The following PGM5 variants were observed in gnomAD, a reference collection of about 807,000 sequenced individuals.
The protein encoded by PGM5 is phosphoglucomutase 5.
In PGM5, 23 loss-of-function variants were observed where a neutral mutation model predicts 59.2. The ratio of observed to expected loss-of-function variants is 0.39; its 90% CI spans 0.28 to 0.55. PGM5 has a LOEUF of 0.55. Among genes scored for constraint, PGM5 ranks in the 20% least tolerant of loss-of-function variants. The probability of loss-of-function intolerance (pLI) is 0.66; values close to 1 mark genes in which losing one functional copy is unlikely to be tolerated. For synonymous variants in PGM5, 214 were observed against 286.0 expected (o/e 0.75, Z 2.54); for missense variants, 574 against 748.3 (o/e 0.77, Z 2.72).
At position 68,522,676 on chromosome 9, in the gene PGM5, G is replaced by T. The variant is rs7871634; in HGVS notation, c.1615-6891G>T. Among the ~76,000 whole-genome samples the T allele has an allele frequency of 6.5e-3, 997 of 152,214 alleles. 14 individuals are homozygous for T. The highest frequency in any genetic ancestry group is 0.023 in the African/African-American group (937 of 41,520). On this transcript the variant is annotated intron_variant, in intron 10 of 10. Coordinates refer to ENST00000396396, the MANE Select transcript of PGM5 (RefSeq NM_021965.4). ...TTATTTTAATTTGCTTAAAATTTTT[G>T]ATTTTAATACGCAAAGAGACCAAAG...
In PGM5 at chr9:68,477,206, G is replaced by A. The variant is rs149602506; in HGVS notation, c.1160-2212G>A. Among the ~76,000 whole-genome samples, 49 of 152,250 alleles carry A rather than the reference G, an allele frequency of 3.2e-4. No individual in the cohort carries two copies. In the East Asian group the frequency reaches 8.5e-3, roughly 26 times the overall value. ...TGTTAACCCAGAGGCAACCACAACT[G>A]GACATCCAACAGTGCCATTAGCAGA... is the stretch of plus-strand genomic sequence containing the variant. On this transcript the variant is annotated intron_variant, in intron 7 of 10. Transcript: ENST00000396396.
chr9:68,495,334 T>C (rs1017070005), intron 9 of PGM5, among the ~76,000 whole-genome samples: 5 of 152,206 alleles, frequency 3.3e-5, no homozygotes, highest in Admixed American at 2.0e-4. Flanking sequence ...TTTATAGTCA[T>C]GCAAGTCATG....
intron 6 of PGM5, among the ~76,000 whole-genome samples, chr9:68,459,540 T>A (rs985160967): frequency 6.6e-6 from 1 of 152,194 alleles, no homozygotes; most frequent in African/African-American, 2.4e-5. Context: ...TGGCAGGCAG[T>A]TCATTTTTGT....
rs1259325393 is a variant in PGM5 at position 68,437,521 on chromosome 9, G to A, written c.1044-27572G>A. Among the ~76,000 whole-genome samples, 2 of 152,112 alleles carry A rather than the reference G, an allele frequency of 1.3e-5. No individual in the cohort carries two copies. Among genetic ancestry groups the A allele is most frequent in the Middle Eastern group, 3.4e-3 (1 of 294 alleles). ...ACAACAAATGGTTTTTCTACAGATAGGGGATCTCTAGGCATCTCAAGGATA... is the reference window on the plus strand; with the variant it reads ...ACAACAAATGGTTTTTCTACAGATAAGGGATCTCTAGGCATCTCAAGGATA... On this transcript the variant is annotated intron_variant, in intron 6 of 10. Coordinates refer to ENST00000396396, the MANE Select transcript of PGM5 (RefSeq NM_021965.4). The surrounding 1 kb of genome is among the most constrained non-coding windows in gnomAD (Gnocchi z 4.1).
At position 68,357,338 on chromosome 9, in the gene PGM5, T is replaced by C. The variant is rs1834474112; in HGVS notation, c.211T>C (p.Phe71Leu). 6.4e-7 allele frequency: 1 copy of C among 1,556,992 alleles called. No individual in the cohort carries two copies. Among genetic ancestry groups the C allele is most frequent in the Non-Finnish European group, 8.7e-7 (1 of 1,153,618 alleles). Residue 71 changes from phenylalanine (F) to leucine (L), a missense_variant, in exon 1 of 11, where the codon TTT (phenylalanine) becomes CTT (leucine). By Grantham distance (22) the Phe-to-Leu change is conservative. This residue lies in a region of PGM5 where 61 missense variants were observed against 133.3 expected (regional missense o/e 0.46). Transcript: ENST00000396396. ...TMVVGSDGRY[F>L]SRTAIEIVVQ... ...GGTGGTGGGCAGCGACGGCAGGTAC[T>C]TTAGCAGGACGGCCATCGAGATCGT... is the stretch of plus-strand genomic sequence containing the variant.
intron 10 of PGM5, among the ~76,000 whole-genome samples, chr9:68,515,730 A>G (rs1824814476): frequency 6.6e-6 from 1 of 152,154 alleles, no homozygotes; most frequent in African/African-American, 2.4e-5. Context: ...AACATTCTTA[A>G]TCTCTTTTTA....
chr9:68,484,194 G>C, intron 9 of PGM5, 146 bp downstream of exon 9: 1 of 686,938 alleles, frequency 1.5e-6, no homozygotes, highest in Non-Finnish European at 2.5e-6. Context: ...GAAAGCCCTT[G>C]ATGAAGGACA....
intron 10 of PGM5, among the ~76,000 whole-genome samples, chr9:68,529,140 G>A (rs1825038050): frequency 6.7e-6 from 1 of 149,424 alleles, no homozygotes; most frequent in African/African-American, 2.5e-5. Context: ...CATGGCCCTA[G>A]GATGAAGAAT....
chr9:68,444,758 A>T (rs1823584481), intron 6 of PGM5, among the ~76,000 whole-genome samples: 1 of 152,194 alleles, frequency 6.6e-6, no homozygotes, highest in Admixed American at 6.5e-5. Flanking sequence ...AGGCAGAAAC[A>T]ACAGCTTTCA....
At chr9:68,416,977 AT>A (rs1264778701) in intron 6 of PGM5, among the ~76,000 whole-genome samples, 2 of 152,118 alleles carry the variant, frequency 1.3e-5, no homozygotes, top group Non-Finnish European at 2.9e-5. Flanking sequence ...ATGTTGACAG[AT>A]TTTTTTTCCT....
chr9:68,447,123 G>A (rs1554684054), intron 6 of PGM5, among the ~76,000 whole-genome samples: 1 of 152,162 alleles, frequency 6.6e-6, no homozygotes, highest in African/African-American at 2.4e-5. Context: ...GTGTGACTCT[G>A]AAGCATAAAT....
intron 10 of PGM5, among the ~76,000 whole-genome samples, chr9:68,503,708 CAT>C (rs1824612895): frequency 6.6e-6 from 1 of 152,184 alleles, no homozygotes; most frequent in South Asian, 2.1e-4. Context: ...AAAGAGGGAA[CAT>C]ACAGAAATGA....
At chr9:68,366,874 A>G (rs1554676740) in intron 1 of PGM5, among the ~76,000 whole-genome samples, 2 of 152,362 alleles carry the variant, frequency 1.3e-5, no homozygotes, top group South Asian at 2.1e-4. Context: ...TTATAAAAAT[A>G]TTTTGCTCTG....
chr9:68,365,801 G>A (rs1400522788), intron 1 of PGM5, among the ~76,000 whole-genome samples: 1 of 152,096 alleles, frequency 6.6e-6, no homozygotes, highest in Non-Finnish European at 1.5e-5. Context: ...GAAAGAGAAA[G>A]GAATCTGAAA....
chr9:68,489,165 C>A (rs927586529), intron 9 of PGM5, among the ~76,000 whole-genome samples: 2 of 152,192 alleles, frequency 1.3e-5, no homozygotes, highest in African/African-American at 4.8e-5. Context: ...GGCCTAAGTC[C>A]TGGAATCTCC....
chr9:68,466,203 C>A (rs1214540714), intron 7 of PGM5: 1 of 1,290,942 alleles, frequency 7.7e-7, no homozygotes, highest in African/African-American at 1.5e-5. Context: ...TTCACTGATT[C>A]TTTCCTTAGC....
intron 6 of PGM5, among the ~76,000 whole-genome samples, chr9:68,424,934 C>A (rs1554682602): frequency 6.6e-6 from 1 of 152,176 alleles, no homozygotes; most frequent in Admixed American, 6.5e-5. Context: ...AATTGACCTC[C>A]TTCTTCCTTT....
At chr9:68,528,103 T>C (rs555273207) in intron 10 of PGM5, among the ~76,000 whole-genome samples, 1 of 152,216 alleles carries the variant, frequency 6.6e-6, no homozygotes, top group Non-Finnish European at 1.5e-5. Context: ...AGGAACTGAA[T>C]TCCTCTCCCC....
At chr9:68,423,254 T>G (rs1587804357) in intron 6 of PGM5, among the ~76,000 whole-genome samples, 1 of 152,350 alleles carries the variant, frequency 6.6e-6, no homozygotes, top group Admixed American at 6.5e-5. Context: ...GTGGGATTGC[T>G]GGATCAAATG....
Sources: gnomAD v4.1 joint callset for allele counts (sites outside exome capture counted in the v4.1 genomes callset) on GRCh38, gnomAD v4.1.1 for gene constraint, gnomAD v4.1.1 regional missense constraint, Gnocchi (gnomAD v3.1) non-coding constraint, MANE v1.5 for transcripts, NCBI Gene and HGNC (gene_info 2026-07-23, HGNC 2026-07-21) for gene names.